BAG1: variants seen among roughly 807,000 people sequenced by gnomAD.
BAG1 encodes BAG cochaperone 1, also known as BAG family molecular chaperone regulator 1.
BAG1 carries 35 observed loss-of-function variants against 35.5 expected under a neutral mutation model. That is an observed-to-expected ratio of 0.99 (90% confidence interval 0.75 to 1.31). BAG1 has a LOEUF of 1.31. Ranked by LOEUF, BAG1 falls within the 50% of genes most tolerant of loss-of-function variation. The pLI is 0.00. For missense variants in BAG1, 464 were observed against 453.6 expected (o/e 1.02, Z -0.21); for synonymous variants, 191 against 178.9 (o/e 1.07, Z -0.54).
At chr9:33,256,992 C>A in intron 4 of BAG1, 84 bp from the exon 5 acceptor site, 2 of 1,007,858 alleles carry the variant, frequency 2.0e-6, no homozygotes, top group East Asian at 2.4e-5. Flanking sequence ...TGCAATCACA[C>A]TGAGCCCACC....
Position 33,255,233 on chromosome 9 carries a change from C to A in BAG1, c.1024G>T (p.Ala342Ser). The change falls in exon 7 of 7, where the codon GCC becomes TCC. Residue 342 changes from alanine to serine, a missense_variant. By Grantham distance (99) the Ala-to-Ser change is moderately conservative. Coordinates refer to ENST00000634734, the MANE Select transcript of BAG1 (RefSeq NM_004323.6). ...TCTGCTACACCTCACTCGGCCAGGG[C>A]AAAGTTTGTAGACTGCAGCCGCTCA... is the stretch of plus-strand genomic sequence containing the variant. The A allele has an allele frequency of 1.2e-6, 2 of 1,614,192 alleles. No homozygotes were observed. Among genetic ancestry groups the A allele is most frequent in the East Asian group, 2.2e-5 (1 of 44,886 alleles).
Position 33,264,606 on chromosome 9 carries a change from G to A in BAG1, c.69C>T (p.Ala23=), listed in dbSNP as rs1820670865. The A allele has an allele frequency of 1.5e-6, 2 of 1,375,990 alleles. No individual in the cohort carries two copies. Among genetic ancestry groups the A allele is most frequent in the Non-Finnish European group, 1.9e-6 (2 of 1,074,630 alleles). The allele number at this position is 1,375,990 out of a possible 1,614,324, so 85.2% of individuals were successfully genotyped here. A position where few individuals can be genotyped will look rare whatever the true frequency, so the allele number is the denominator to read the frequency against. ...GGCGCGGCTCCCGGCCTGGCCGAAG[G>A]GCGCGCAGCCGGGAACCCAGCCGCT... The change falls in exon 1 of 7, where the codon GCC becomes GCT. Residue 23 remains alanine, a synonymous_variant. Transcript: ENST00000634734.
In BAG1 at chr9:33,262,022, G is replaced by T. The variant is rs970143538; in HGVS notation, c.580+680C>A. 5 of 1,197,706 alleles carry T rather than the reference G, an allele frequency of 4.2e-6. No individual in the cohort carries two copies. In the East Asian group the frequency reaches 3.0e-4, roughly 71 times the overall value. The allele number at this position is 1,197,706 out of a possible 1,614,324, so 74.2% of individuals were successfully genotyped here. A position where few individuals can be genotyped will look rare whatever the true frequency, so the allele number is the denominator to read the frequency against. On this transcript the variant is annotated intron_variant, in intron 2 of 6. Coordinates refer to ENST00000634734, the MANE Select transcript of BAG1 (RefSeq NM_004323.6). Reference sequence around the variant, plus strand: ...TCAGATGTTAAGCAACTAAGAAAATGATTATTTAATAGTAATTTCATAGAA... The same window carrying T: ...TCAGATGTTAAGCAACTAAGAAAATTATTATTTAATAGTAATTTCATAGAA...
At position 33,254,884 on chromosome 9, in the gene BAG1, T is replaced by G; in HGVS notation, c.*335A>C. ...TGAAGACTGAGGGGGCCTATAAACCTGAAACTGGCCCAAGGCAAATTAGAG... is the reference window on the plus strand; with the variant it reads ...TGAAGACTGAGGGGGCCTATAAACCGGAAACTGGCCCAAGGCAAATTAGAG... On this transcript the variant is annotated 3_prime_UTR_variant, in exon 7 of 7. Coordinates refer to ENST00000634734, the MANE Select transcript of BAG1 (RefSeq NM_004323.6). 4.6e-6 allele frequency: 3 copies of G among 657,142 alleles called. No homozygotes were observed. The highest frequency in any genetic ancestry group is 6.8e-6 in the Non-Finnish European group (3 of 438,214). 40.7% of individuals were successfully genotyped at this position (657,142 alleles called of 1,614,324 possible).
chr9:33,261,131 G>A lies in BAG1; in HGVS notation c.619C>T (p.Leu207Phe). Residue 207 changes from leucine to phenylalanine, a missense_variant, in exon 3 of 7, where the codon CTT becomes TTT. Physicochemically the swap from Leu to Phe is conservative, Grantham distance 22. Coordinates refer to ENST00000634734, the MANE Select transcript of BAG1 (RefSeq NM_004323.6). Reference sequence around the variant, plus strand: ...ACCCGGCAACCATCTTGTATTCCAAGTGCTGACAACGGTGTTTCCATTTCC... The same window carrying A: ...ACCCGGCAACCATCTTGTATTCCAAATGCTGACAACGGTGTTTCCATTTCC... 2 of 1,610,824 alleles carry A rather than the reference G, an allele frequency of 1.2e-6. No homozygotes were observed. Among genetic ancestry groups the A allele is most frequent in the Non-Finnish European group, 1.7e-6 (2 of 1,178,838 alleles).
chr9:33,264,048 T>C (rs1392869834), intron 1 of BAG1, among the ~76,000 whole-genome samples, 176 bp downstream of exon 1: 3 of 151,958 alleles, frequency 2.0e-5, no homozygotes, highest in Non-Finnish European at 4.4e-5. Context: ...CATGGAAAAG[T>C]GTACAGACAC....
chr9:33,256,972 A>G (rs960748807), intron 4 of BAG1, 64 bp from the exon 5 acceptor site: 24 of 1,214,878 alleles, frequency 2.0e-5, no homozygotes, highest in Non-Finnish European at 2.6e-5. Context: ...CCATGCCACA[A>G]TACTAATGAT....
chr9:33,254,004 G>GT lies in BAG1; in HGVS notation c.*1214dup, dbSNP rs1369981573. ...CAATTTTTTTTTTTTCTGAGATGGA[G>GT]TCTCACTCTGTGACCCAGGCTGGAG... On this transcript the variant is annotated 3_prime_UTR_variant, in exon 7 of 7. Transcript: ENST00000634734. 4.6e-5 allele frequency: 7 copies of GT among 150,996 alleles called. No homozygotes were observed. The highest frequency in any genetic ancestry group is 1.7e-4 in the African/African-American group (7 of 40,978). 9.4% of individuals were successfully genotyped at this position (150,996 alleles called of 1,614,324 possible).
chr9:33,257,098 A>G, intron 4 of BAG1, 190 bp from the exon 5 acceptor site: 1 of 564,654 alleles, frequency 1.8e-6, no homozygotes, highest in Non-Finnish European at 3.1e-6. Flanking sequence ...GAATTCTATC[A>G]GGTTGCAGTC....
rs1820646280 is a variant in BAG1, at chr9:33,264,122, C to T, written c.451+102G>A. On this transcript the variant is annotated intron_variant, in intron 1 of 6. Transcript: ENST00000634734. ...TAACCCACGCTTCCGGACGCCAGGA[C>T]AAGCGCAAGGTCACACGCTTCTGGA... 3.6e-6 allele frequency: 5 copies of T among 1,380,618 alleles called. No homozygotes were observed. In the Admixed American group the frequency reaches 7.3e-5, roughly 20 times the overall value. 85.5% of individuals were successfully genotyped at this position (1,380,618 alleles called of 1,614,324 possible). A position where few individuals can be genotyped will look rare whatever the true frequency, so the allele number is the denominator to read the frequency against.
At chr9:33,263,902 G>A (rs1820638395) in intron 1 of BAG1, among the ~76,000 whole-genome samples, 1 of 150,252 alleles carries the variant, frequency 6.7e-6, no homozygotes, top group East Asian at 2.0e-4. Flanking sequence ...TAGACCACAT[G>A]GCCCAATATA....
At chr9:33,262,628 G>C in intron 2 of BAG1, 74 bp downstream of exon 2, 1 of 1,424,288 alleles carries the variant, frequency 7.0e-7, no homozygotes, top group Non-Finnish European at 9.3e-7. Context: ...TTGCACTCCA[G>C]CCTGGGCGAC....
At position 33,261,143 on chromosome 9, in the gene BAG1, G is replaced by A; in HGVS notation, c.607C>T (p.Pro203Ser). ...TCTTGTATTCCAAGTGCTGACAACG[G>A]TGTTTCCATTTCCTTCAGAGATTTT... The change falls in exon 3 of 7, where the codon CCG (proline) becomes TCG (serine). Residue 203 changes from proline to serine, a missense_variant. Physicochemically the swap from Pro to Ser is moderately conservative, Grantham distance 74. Coordinates refer to ENST00000634734, the MANE Select transcript of BAG1 (RefSeq NM_004323.6). The A allele has an allele frequency of 6.2e-7, 1 of 1,610,650 alleles. No homozygotes were observed. Among genetic ancestry groups the A allele is most frequent in the Non-Finnish European group, 8.5e-7 (1 of 1,178,652 alleles).
At chr9:33,262,978 TTC>T in intron 1 of BAG1, 148 bp from the exon 2 acceptor site, 1 of 1,093,670 alleles carries the variant, frequency 9.1e-7, no homozygotes, top group East Asian at 2.6e-5. Context: ...CCACCCAGCT[TTC>T]CTCTGGTGAC....
rs1376135467 is a variant in BAG1 at position 33,252,689 on chromosome 9, C to T, written c.*2530G>A. On this transcript the variant is annotated 3_prime_UTR_variant, in exon 7 of 7. Transcript: ENST00000634734. Reference sequence around the variant, plus strand: ...TAAAGGCAAAGATTAACCAAATAATCCCACAAGTAAACTATCATGGACTAT... The same window carrying T: ...TAAAGGCAAAGATTAACCAAATAATTCCACAAGTAAACTATCATGGACTAT... 6.6e-6 allele frequency: 1 copy of T among 151,982 alleles called. No individual in the cohort carries two copies. Among genetic ancestry groups the T allele is most frequent in the African/African-American group, 2.4e-5 (1 of 41,360 alleles). The allele number at this position is 151,982 out of a possible 1,614,324, so 9.4% of individuals were successfully genotyped here. A position where few individuals can be genotyped will look rare whatever the true frequency, so the allele number is the denominator to read the frequency against.
chr9:33,263,700 G>A (rs1184210407), intron 1 of BAG1, among the ~76,000 whole-genome samples: 2 of 152,090 alleles, frequency 1.3e-5, no homozygotes, highest in African/African-American at 4.8e-5. Flanking sequence ...AAACCTCATG[G>A]ACTCAGCTCT....
rs1820375260 is a variant in BAG1 at position 33,253,245 on chromosome 9, C to CA, written c.*1973dup. 1 of 152,154 alleles carries CA rather than the reference C, an allele frequency of 6.6e-6. No homozygotes were observed. Among genetic ancestry groups the CA allele is most frequent in the South Asian group, 2.1e-4 (1 of 4,824 alleles). The allele number at this position is 152,154 out of a possible 1,614,324, so 9.4% of individuals were successfully genotyped here. A position where few individuals can be genotyped will look rare whatever the true frequency, so the allele number is the denominator to read the frequency against. Reference sequence around the variant, plus strand: ...ACCCTGTGTTGGTTGAGAGGCAGTACAGTAGAGGGGAAAAGCACTGGCTCT... The same window carrying CA: ...ACCCTGTGTTGGTTGAGAGGCAGTACAAGTAGAGGGGAAAAGCACTGGCTCT... On this transcript the variant is annotated 3_prime_UTR_variant, in exon 7 of 7. Transcript: ENST00000634734.
chr9:33,260,752 C>G (rs1027908250), intron 3 of BAG1, among the ~76,000 whole-genome samples: 2 of 152,202 alleles, frequency 1.3e-5, no homozygotes, highest in African/African-American at 4.8e-5. Flanking sequence ...TTTATTTTAA[C>G]AAAAGACTCT....
At position 33,264,684 on chromosome 9, in the gene BAG1, T is replaced by G. The variant is rs1345603908; in HGVS notation, c.-10A>C. On this transcript the variant is annotated 5_prime_UTR_variant, in exon 1 of 7. Transcript: ENST00000634734. ...CCCCGCGCTGAGCCAGGCCCGCACT[T>G]GTTGACCGCCCAGCGATGGAAGCTG... 2 of 1,357,282 alleles carry G rather than the reference T, an allele frequency of 1.5e-6. No homozygotes were observed. Among genetic ancestry groups the G allele is most frequent in the African/African-American group, 1.5e-5 (1 of 65,670 alleles). The allele number at this position is 1,357,282 out of a possible 1,614,324, so 84.1% of individuals were successfully genotyped here.
Sources: gnomAD v4.1 joint callset for allele counts (sites outside exome capture counted in the v4.1 genomes callset) on GRCh38, gnomAD v4.1.1 for gene constraint, MANE v1.5 for transcripts, NCBI Gene and HGNC (gene_info 2026-07-23, HGNC 2026-07-21) for gene names.